Variants in XRCC5 observed in about 807,000 individuals in gnomAD.
XRCC5 encodes X-ray repair cross complementing 5, also known as DNA repair protein Ku80.
In XRCC5, 12 loss-of-function variants were observed where a neutral mutation model predicts 95.7. That is an observed-to-expected ratio of 0.13 (90% CI 0.08 to 0.20). The LOEUF (loss-of-function observed/expected upper bound fraction) is 0.20, where lower values mean the gene tolerates loss of function less well. XRCC5 is among the 10% of genes least tolerant of loss of function. The pLI is 1.00. For missense variants in XRCC5, 595 were observed against 873.9 expected (o/e 0.68, Z 4.02); for synonymous variants, 281 against 290.3 (o/e 0.97, Z 0.33).
At chr2:216,133,272 G>C (rs1384901494) in intron 10 of XRCC5, among the ~76,000 whole-genome samples, 1 of 152,216 alleles carries the variant, frequency 6.6e-6, no homozygotes, top group Non-Finnish European at 1.5e-5. Context: ...GATTTCTCTT[G>C]AATCAAATCC....
intron 7 of XRCC5, among the ~76,000 whole-genome samples, chr2:216,127,096 C>T (rs1696911135): frequency 6.6e-6 from 1 of 152,028 alleles, no homozygotes; most frequent in African/African-American, 2.4e-5. Context: ...CAAAAATAGC[C>T]AGGCATGGTG....
intron 12 of XRCC5, 83 bp from the exon 13 acceptor site, chr2:216,141,103 C>T (rs1430177405): frequency 1.4e-5 from 21 of 1,530,410 alleles, no homozygotes; most frequent in Middle Eastern, 1.7e-4. Flanking sequence ...CCAATATTGC[C>T]GTGGATATCT....
chr2:216,175,285 A>T (rs1018383443), intron 16 of XRCC5: 2 of 436,726 alleles, frequency 4.6e-6, no homozygotes, highest in African/African-American at 4.1e-5. Context: ...CACCACCTCT[A>T]CTTCTACCAC....
At chr2:216,141,535 C>CTTTTTTTTTT (rs1697168944) in intron 13 of XRCC5, among the ~76,000 whole-genome samples, 1 of 54,236 alleles carries the variant, frequency 1.8e-5, no homozygotes. Flanking sequence ...TGCTTTCTTT[C>CTTTTTTTTTT]TTTTCTTTTT....
rs1187819247 is a variant in XRCC5, at chr2:216,137,072, C to G, written c.1114-16C>G. 1 of 1,610,602 alleles carries G rather than the reference C, an allele frequency of 6.2e-7. No individual in the cohort carries two copies. Among genetic ancestry groups the G allele is most frequent in the South Asian group, 1.1e-5 (1 of 90,244 alleles). On this transcript the variant is annotated splice_polypyrimidine_tract_variant and intron_variant, in intron 10 of 20. Coordinates refer to ENST00000392132, the MANE Select transcript of XRCC5 (RefSeq NM_021141.4). ...ACATGTTGAATATGTGTTAATACAT[C>G]CATCTTTCTTACCAGGCAGCTGCAG...
chr2:216,148,881 G>A (rs1260999935), intron 14 of XRCC5, among the ~76,000 whole-genome samples: 1 of 152,120 alleles, frequency 6.6e-6, no homozygotes, highest in African/African-American at 2.4e-5. Context: ...TTCACAATCT[G>A]TGTCAGCTTC....
At chr2:216,150,921 G>A (rs774710136) in intron 14 of XRCC5, among the ~76,000 whole-genome samples, 7 of 152,096 alleles carry the variant, frequency 4.6e-5, no homozygotes, top group Middle Eastern at 3.4e-3. Flanking sequence ...AAAACGTAAT[G>A]CTTTGCGCTA....
chr2:216,141,685 C>T (rs372167762), intron 13 of XRCC5, among the ~76,000 whole-genome samples: 4 of 151,818 alleles, frequency 2.6e-5, no homozygotes, highest in Non-Finnish European at 2.9e-5. Flanking sequence ...GCACTCTTCC[C>T]GCCTCAGTCT....
At chr2:216,141,122 A>C in intron 12 of XRCC5, 64 bp from the exon 13 acceptor site, 1 of 1,594,372 alleles carries the variant, frequency 6.3e-7, no homozygotes, top group Non-Finnish European at 8.6e-7. Context: ...CTCTACGTAG[A>C]AAGCATTTGT....
chr2:216,172,464 C>CTTTCCTTTTTTTTTT (rs1258491985), intron 16 of XRCC5, among the ~76,000 whole-genome samples: 3 of 70,348 alleles, frequency 4.3e-5, no homozygotes, highest in African/African-American at 1.9e-4. Context: ...ATCAGCTTTT[C>CTTTCCTTTTTTTTTT]TTTTCTTTTT....
At chr2:216,187,961 T>G (rs1238336154) in intron 16 of XRCC5, among the ~76,000 whole-genome samples, 2 of 151,406 alleles carry the variant, frequency 1.3e-5, no homozygotes. Context: ...AATTTCTTCT[T>G]TCTTCTACAC....
chr2:216,161,566 A>G (rs1688951968), intron 15 of XRCC5, among the ~76,000 whole-genome samples: 1 of 152,188 alleles, frequency 6.6e-6, no homozygotes, highest in Non-Finnish European at 1.5e-5. Flanking sequence ...ATTAAGCTGT[A>G]TTTCTCATGT....
At chr2:216,138,625 T>C (rs948766331) in intron 12 of XRCC5, among the ~76,000 whole-genome samples, 19 of 152,202 alleles carry the variant, frequency 1.2e-4, no homozygotes, top group Non-Finnish European at 8.8e-5. Context: ...CCAAGTCTCA[T>C]TGTTACTTAT....
chr2:216,173,322 C>T (rs1449519653), intron 16 of XRCC5, among the ~76,000 whole-genome samples: 1 of 151,956 alleles, frequency 6.6e-6, no homozygotes, highest in African/African-American at 2.4e-5. Flanking sequence ...AAACCTTTGT[C>T]TTTCACTATT....
intron 16 of XRCC5, among the ~76,000 whole-genome samples, chr2:216,171,831 T>G (rs1281728391): frequency 6.6e-6 from 1 of 152,258 alleles, no homozygotes; most frequent in Non-Finnish European, 1.5e-5. Context: ...ACAAGTCTCT[T>G]AGATAAATTG....
intron 14 of XRCC5, 152 bp from the exon 15 acceptor site, chr2:216,159,916 T>C: frequency 3.7e-6 from 2 of 546,112 alleles, no homozygotes; most frequent in Non-Finnish European, 6.3e-6. Context: ...TACATGTAGC[T>C]ATTGTTTTTC....
Position 216,204,314 on chromosome 2 carries a change from A to G in XRCC5, c.2110-8A>G, listed in dbSNP as rs368416097. The G allele has an allele frequency of 2.8e-5, 45 of 1,613,642 alleles. No individual in the cohort carries two copies. Among genetic ancestry groups the G allele is most frequent in the Non-Finnish European group, 3.6e-5 (42 of 1,179,716 alleles). On this transcript the variant is annotated splice_polypyrimidine_tract_variant and splice_region_variant and intron_variant, in intron 19 of 20. Coordinates refer to ENST00000392132, the MANE Select transcript of XRCC5 (RefSeq NM_021141.4). Reference sequence around the variant, plus strand: ...ATTTTGGTATGATAACTGACTTTCTATTTACAGTTTCTGGCCCCCAAAGAC... The same window carrying G: ...ATTTTGGTATGATAACTGACTTTCTGTTTACAGTTTCTGGCCCCCAAAGAC...
chr2:216,147,993 A>C (rs1331187321), intron 13 of XRCC5, 90 bp from the exon 14 acceptor site: 3 of 1,380,026 alleles, frequency 2.2e-6, no homozygotes, highest in Non-Finnish European at 2.0e-6. Context: ...TAGCCCTCCC[A>C]CACTAAAGAT....
intron 12 of XRCC5, among the ~76,000 whole-genome samples, chr2:216,138,613 G>A (rs1054973524): frequency 5.3e-5 from 8 of 152,194 alleles, no homozygotes; most frequent in African/African-American, 1.9e-4. Context: ...TGCACCAACA[G>A]TCCAAGTCTC....
Sources: allele counts gnomAD v4.1 joint callset (sites outside exome capture counted in the v4.1 genomes callset), GRCh38; gene constraint gnomAD v4.1.1; transcripts MANE v1.5; gene names NCBI Gene and HGNC (gene_info 2026-07-23, HGNC 2026-07-21).